Variants in HECW2 observed in about 807,000 individuals in gnomAD.
The protein encoded by HECW2 is HECT, C2 and WW domain containing E3 ubiquitin protein ligase 2, also known as E3 ubiquitin-protein ligase HECW2.
In HECW2, 61 loss-of-function variants were observed where a neutral mutation model predicts 175.2. The observed-to-expected ratio is 0.35, with a 90% CI of 0.28 to 0.43. The LOEUF is 0.43. HECW2 is among the 20% of genes least tolerant of loss of function. The probability of loss-of-function intolerance (pLI) is 1.00; values close to 1 mark genes in which losing one functional copy is unlikely to be tolerated. For missense variants in HECW2, 1,524 were observed against 2,000.5 expected (o/e 0.76, Z 4.54); for synonymous variants, 671 against 731.0 (o/e 0.92, Z 1.32).
chr2:196,439,098 T>C (rs1467290695), intron 1 of HECW2, among the ~76,000 whole-genome samples: 1 of 152,230 alleles, frequency 6.6e-6, no homozygotes, highest in Non-Finnish European at 1.5e-5. Flanking sequence ...CCTCAATTTA[T>C]TTACCTATTA....
chr2:196,414,516 T>C (rs1401353104), intron 2 of HECW2, among the ~76,000 whole-genome samples: 2 of 152,152 alleles, frequency 1.3e-5, no homozygotes, highest in South Asian at 2.1e-4. Context: ...GTGTGGAGTG[T>C]CTCTCTTTCC....
intron 1 of HECW2, among the ~76,000 whole-genome samples, chr2:196,564,966 T>TC (rs1690129254): frequency 6.6e-6 from 1 of 151,608 alleles, no homozygotes; most frequent in Admixed American, 6.6e-5. Context: ...TTTTTTTTTT[T>TC]TTTGAGGCAA....
At chr2:196,269,789 T>C (rs1345432637) in intron 17 of HECW2, among the ~76,000 whole-genome samples, 1 of 152,168 alleles carries the variant, frequency 6.6e-6, no homozygotes, top group Non-Finnish European at 1.5e-5. Context: ...ATGTGATACA[T>C]TTCATGACTC....
intron 2 of HECW2, among the ~76,000 whole-genome samples, chr2:196,359,555 G>T (rs760302793): frequency 2.7e-4 from 41 of 152,318 alleles, no homozygotes; most frequent in Middle Eastern, 3.4e-3. Context: ...TCTAGAACCT[G>T]TAGGATGTTA....
At chr2:196,485,654 T>A (rs773222968) in intron 1 of HECW2, among the ~76,000 whole-genome samples, 1 of 152,050 alleles carries the variant, frequency 6.6e-6, no homozygotes, top group African/African-American at 2.4e-5. Flanking sequence ...ATCCAGACCA[T>A]AGTAAACATC....
intron 1 of HECW2, among the ~76,000 whole-genome samples, chr2:196,525,734 T>C (rs1559158856): frequency 1.3e-5 from 2 of 150,944 alleles, no homozygotes; most frequent in African/African-American, 2.4e-5. Flanking sequence ...CCTTGACTTA[T>C]GAAGCTTAGT....
chr2:196,410,983 C>A (rs983422082), intron 2 of HECW2, among the ~76,000 whole-genome samples: 3 of 151,814 alleles, frequency 2.0e-5, no homozygotes, highest in African/African-American at 7.3e-5. Flanking sequence ...AATGGCTCAG[C>A]TAGAGACAGG....
At chr2:196,486,561 C>A (rs1687015800) in intron 1 of HECW2, among the ~76,000 whole-genome samples, 1 of 152,190 alleles carries the variant, frequency 6.6e-6, no homozygotes, top group African/African-American at 2.4e-5. Flanking sequence ...AACACTGAGC[C>A]TCCTCTATGG....
chr2:196,240,311 G>C, intron 21 of HECW2, 138 bp downstream of exon 21: 1 of 444,322 alleles, frequency 2.3e-6, no homozygotes. Flanking sequence ...AAAAAAAAAA[G>C]CCCAAAGGTT....
intron 26 of HECW2, among the ~76,000 whole-genome samples, chr2:196,219,118 A>G (rs1687577818): frequency 6.6e-6 from 1 of 152,204 alleles, no homozygotes; most frequent in Non-Finnish European, 1.5e-5. Flanking sequence ...TCAGCTCTCA[A>G]TTTACTCTGC....
intron 28 of HECW2, among the ~76,000 whole-genome samples, chr2:196,212,469 A>T (rs1245618388): frequency 1.3e-5 from 2 of 152,082 alleles, no homozygotes; most frequent in Admixed American, 1.3e-4. Context: ...TTCCTGTGTT[A>T]GTTTGCTAAG....
At chr2:196,382,332 G>A (rs1373396108) in intron 2 of HECW2, among the ~76,000 whole-genome samples, 2 of 151,224 alleles carry the variant, frequency 1.3e-5, no homozygotes, top group East Asian at 3.9e-4. Flanking sequence ...TTACCTGTGA[G>A]AAAAAAAGGG....
In HECW2 at chr2:196,248,345, G is replaced by A. The variant is rs563909762; in HGVS notation, c.3529+5575C>T. Among the ~76,000 whole-genome samples, 8 of 152,278 alleles carry A rather than the reference G, an allele frequency of 5.3e-5. No homozygotes were observed. The South Asian group carries it at 1.4e-3, about 28-fold the overall frequency. On this transcript the variant is annotated intron_variant, in intron 19 of 28. Coordinates refer to ENST00000644978, the MANE Select transcript of HECW2 (RefSeq NM_001348768.2). ...ACAAGGGAGACTAACAACACAAAAA[G>A]TTAAGTCTCTATACTATGAGAGAGA...
rs112507774 is a variant in HECW2, at chr2:196,286,434, A to G, written c.3000+6131T>C. On this transcript the variant is annotated intron_variant, in intron 14 of 28. Transcript: ENST00000644978. The stretch of plus-strand genomic sequence containing the variant: ...CATGCAGGTCATAAAGACAACTGTT[A>G]AAAAAGAAAAGGCAAAGACCATCTC... Among the ~76,000 whole-genome samples the G allele has an allele frequency of 8.2e-3, 1,212 of 148,276 alleles. 14 individuals are homozygous for G. The highest frequency in any genetic ancestry group is 0.029 in the African/African-American group (1,155 of 40,252).
rs1258710904 is a variant in HECW2 at position 196,308,044 on chromosome 2, C to T, written c.2476G>A (p.Val826Met). 6 of 1,597,006 alleles carry T rather than the reference C, an allele frequency of 3.8e-6. No homozygotes were observed. The highest frequency in any genetic ancestry group is 3.4e-6 in the Non-Finnish European group (4 of 1,167,968). ...RIDSHGRIFY[V>M]DHVNRTTTWQ... ...GTCGTGGTTCTGTTTACGTGATCCA[C>T]GTAGAAGATCCTGCCGTGGCTGTCA... The change falls in exon 11 of 29, where the codon GTG becomes ATG. Residue 826 changes from valine to methionine, a missense_variant. Transcript: ENST00000644978.
chr2:196,524,430 C>T, intron 1 of HECW2, among the ~76,000 whole-genome samples: 1 of 87,128 alleles, frequency 1.1e-5, no homozygotes, highest in Non-Finnish European at 2.0e-5. Flanking sequence ...AAAACCAGCT[C>T]CTGGATTCAT....
At chr2:196,514,844 C>T (rs999395811) in intron 1 of HECW2, among the ~76,000 whole-genome samples, 6 of 152,182 alleles carry the variant, frequency 3.9e-5, no homozygotes, top group Admixed American at 3.3e-4. Context: ...TCCAGTTGTC[C>T]GCACACCTCA....
At chr2:196,390,572 A>G (rs1694476583) in intron 2 of HECW2, among the ~76,000 whole-genome samples, 1 of 152,164 alleles carries the variant, frequency 6.6e-6, no homozygotes, top group Non-Finnish European at 1.5e-5. Context: ...AAAAACACAA[A>G]TCACACTTGC....
intron 1 of HECW2, among the ~76,000 whole-genome samples, chr2:196,494,836 G>A (rs906430205): frequency 2.6e-5 from 4 of 152,070 alleles, no homozygotes; most frequent in African/African-American, 9.7e-5. Context: ...ATTTGATGAG[G>A]CTGCTGTACA....
Sources: allele counts gnomAD v4.1 joint callset (sites outside exome capture counted in the v4.1 genomes callset), GRCh38; gene constraint gnomAD v4.1.1; transcripts MANE v1.5; gene names NCBI Gene and HGNC (gene_info 2026-07-23, HGNC 2026-07-21).